Variants in RARS2 observed in about 807,000 individuals in gnomAD.
RARS2 encodes the protein arginyl-tRNA synthetase 2, mitochondrial.
A neutral mutation model predicts 88.5 loss-of-function variants in RARS2; 67 were observed. That is an observed-to-expected ratio of 0.76 (90% CI 0.62 to 0.93). The LOEUF (loss-of-function observed/expected upper bound fraction) is 0.93, where lower values mean the gene tolerates loss of function less well. Ranked by LOEUF, RARS2 falls within the 40% of genes least tolerant of loss-of-function variation. The pLI, the probability that RARS2 is intolerant of heterozygous loss-of-function variation, is 0.00. For missense variants in RARS2, 664 were observed against 684.2 expected (o/e 0.97, Z 0.33); for synonymous variants, 239 against 230.3 (o/e 1.04, Z -0.34).
chr6:87,571,170 GT>G (rs11353265), intron 1 of RARS2, among the ~76,000 whole-genome samples: 60,928 of 151,922 alleles, frequency 0.4, 12,332 homozygotes, highest in Admixed American at 0.48. Context: ...TCATGGGGTG[GT>G]TTCCCCCATT....
chr6:87,571,888 C>T (rs1054941125), intron 1 of RARS2, among the ~76,000 whole-genome samples: 6 of 152,132 alleles, frequency 3.9e-5, no homozygotes, highest in East Asian at 1.9e-4. Flanking sequence ...AAAGTTTCCT[C>T]TCAGGGTACA....
At chr6:87,544,751 T>C (rs1317755492) in intron 7 of RARS2, among the ~76,000 whole-genome samples, 5 of 152,166 alleles carry the variant, frequency 3.3e-5, no homozygotes, top group African/African-American at 1.2e-4. Context: ...TGAGAGATAA[T>C]TTGTGGTAGT....
At chr6:87,572,650 G>A (rs911366104) in intron 1 of RARS2, among the ~76,000 whole-genome samples, 1 of 151,840 alleles carries the variant, frequency 6.6e-6, no homozygotes, top group Admixed American at 6.6e-5. Context: ...CTGTAGCCTC[G>A]ACCTCCTGGT....
chr6:87,576,648 T>C (rs1771672856), intron 1 of RARS2, among the ~76,000 whole-genome samples: 1 of 152,192 alleles, frequency 6.6e-6, no homozygotes, highest in Non-Finnish European at 1.5e-5. Flanking sequence ...CTCTCGGGAA[T>C]TTAAAAGTAT....
At chr6:87,584,224 T>C (rs1774442610) in intron 1 of RARS2, among the ~76,000 whole-genome samples, 3 of 152,180 alleles carry the variant, frequency 2.0e-5, no homozygotes, top group African/African-American at 7.2e-5. Context: ...CTTGGGAAAT[T>C]GACACACAAA....
At chr6:87,582,955 G>T (rs1382154561) in intron 1 of RARS2, among the ~76,000 whole-genome samples, 1 of 152,184 alleles carries the variant, frequency 6.6e-6, no homozygotes, top group African/African-American at 2.4e-5. Context: ...AATGCAATTT[G>T]TGATCCTATA....
At chr6:87,541,064 G>T (rs996299006) in intron 8 of RARS2, among the ~76,000 whole-genome samples, 10 of 103,086 alleles carry the variant, frequency 9.7e-5, no homozygotes, top group Non-Finnish European at 1.9e-5. Flanking sequence ...TAATTATCTT[G>T]CATGTTTATT....
chr6:87,555,706 C>G (rs969934135), intron 4 of RARS2, among the ~76,000 whole-genome samples: 1 of 152,196 alleles, frequency 6.6e-6, no homozygotes. Flanking sequence ...TTAACATTTA[C>G]AAGGGTTCTG....
At chr6:87,573,659 T>C (rs1222497871) in intron 1 of RARS2, among the ~76,000 whole-genome samples, 1 of 151,960 alleles carries the variant, frequency 6.6e-6, no homozygotes, top group African/African-American at 2.4e-5. Context: ...AGATGGTAAA[T>C]TTTACGTTAT....
chr6:87,564,409 C>T lies in RARS2; in HGVS notation c.111-177G>A, dbSNP rs937738133. On this transcript the variant is annotated intron_variant, in intron 2 of 19. Coordinates refer to ENST00000369536, the MANE Select transcript of RARS2 (RefSeq NM_020320.5). ...GAGCGGTGGCTCATGCCTGTAATCC[C>T]AGCACTTTGGGAGGCTAAGGCAGGC... 13 of 602,508 alleles carry T rather than the reference C, an allele frequency of 2.2e-5. No homozygotes were observed. In the African/African-American group the frequency reaches 2.2e-4, roughly 10 times the overall value. 37.3% of individuals were successfully genotyped at this position (602,508 alleles called of 1,614,324 possible).
rs1778663050 is a variant in RARS2, at chr6:87,534,898, A to C, written c.613-3956T>G. On this transcript the variant is annotated intron_variant, in intron 8 of 19. Coordinates refer to ENST00000369536, the MANE Select transcript of RARS2 (RefSeq NM_020320.5). ...AGGACCACCAGCTAATGTTTGTCAC[A>C]CAAGAAGAGCTGCATGCCTCCAAGC... Among the ~76,000 whole-genome samples, 2 of 152,226 alleles carry C rather than the reference A, an allele frequency of 1.3e-5. 1 individual carries two copies. The highest frequency in any genetic ancestry group is 4.1e-4 in the South Asian group (2 of 4,838).
At chr6:87,561,890 GTGAGC>G (rs1360000540) in intron 4 of RARS2, among the ~76,000 whole-genome samples, 1 of 152,186 alleles carries the variant, frequency 6.6e-6, no homozygotes, top group African/African-American at 2.4e-5. Flanking sequence ...TTTTTAATAA[GTGAGC>G]TAATGGGTAT....
intron 8 of RARS2, among the ~76,000 whole-genome samples, chr6:87,533,434 T>A (rs6917424): frequency 0.064 from 9,687 of 152,292 alleles, 391 homozygotes; most frequent in African/African-American, 0.12. Context: ...AGTTACCATG[T>A]ACCTTTTTAA....
chr6:87,555,446 GA>G lies in RARS2; in HGVS notation c.356del (p.Phe119SerfsTer32). On this transcript the variant is annotated frameshift_variant, in exon 5 of 20. Coordinates refer to ENST00000369536, the MANE Select transcript of RARS2 (RefSeq NM_020320.5). LOFTEE classifies it high-confidence loss of function. ...GSKYGLKSEL[F>X]SGLPQKKIVV... ...CAATCTTCTTCTGGGGAAGTCCAGA[GA>G]AAAGTTCACTTTTTAATCCATATTT... is the stretch of plus-strand genomic sequence containing the variant. 6.2e-7 allele frequency: 1 copy of G among 1,614,000 alleles called. No homozygotes were observed. Among genetic ancestry groups the G allele is most frequent in the Non-Finnish European group, 8.5e-7 (1 of 1,179,938 alleles).
At chr6:87,525,013 G>T (rs1775196576) in intron 10 of RARS2, among the ~76,000 whole-genome samples, 1 of 152,106 alleles carries the variant, frequency 6.6e-6, no homozygotes, top group African/African-American at 2.4e-5. Context: ...TCAATATTGG[G>T]ATAATTTTTA....
At chr6:87,558,524 T>G (rs1226419946) in intron 4 of RARS2, among the ~76,000 whole-genome samples, 1 of 152,162 alleles carries the variant, frequency 6.6e-6, no homozygotes, top group Non-Finnish European at 1.5e-5. Flanking sequence ...ACACCTACAG[T>G]AATGCACCAA....
At chr6:87,556,844 C>T (rs184178990) in intron 4 of RARS2, among the ~76,000 whole-genome samples, 168 of 148,524 alleles carry the variant, frequency 1.1e-3, no homozygotes, top group African/African-American at 4.0e-3. Context: ...CAGGGTCTCT[C>T]GCTCACTCTG....
At chr6:87,539,281 C>T (rs1375498770) in intron 8 of RARS2, among the ~76,000 whole-genome samples, 1 of 152,090 alleles carries the variant, frequency 6.6e-6, no homozygotes. Flanking sequence ...AGTAGAGGTT[C>T]CCCTTCAAAG....
intron 1 of RARS2, among the ~76,000 whole-genome samples, chr6:87,578,024 T>G (rs1277709582): frequency 2.6e-5 from 4 of 152,142 alleles, no homozygotes; most frequent in African/African-American, 9.6e-5. Context: ...GGCTCATGCC[T>G]GTAATCCGAA....
Sources: gnomAD v4.1 joint callset for allele counts (sites outside exome capture counted in the v4.1 genomes callset) on GRCh38, gnomAD v4.1.1 for gene constraint, MANE v1.5 for transcripts, NCBI Gene and HGNC (gene_info 2026-07-23, HGNC 2026-07-21) for gene names.